CRPPA: variants seen among roughly 807,000 people sequenced by gnomAD.
The protein encoded by CRPPA is CDP-L-ribitol pyrophosphorylase A, also known as D-ribitol-5-phosphate cytidylyltransferase.
A neutral mutation model predicts 52.0 loss-of-function variants in CRPPA; 43 were observed. The ratio of observed to expected loss-of-function variants is 0.83; its 90% CI spans 0.65 to 1.07. The LOEUF (loss-of-function observed/expected upper bound fraction) is 1.07. Ranked by LOEUF, CRPPA falls within the 50% of genes least tolerant of loss-of-function variation. The pLI, the probability that CRPPA is intolerant of heterozygous loss-of-function variation, is 0.00. For missense variants in CRPPA, 629 were observed against 551.7 expected, an observed-to-expected ratio of 1.14 and a Z score of -1.40; for synonymous variants, 250 against 203.5, an observed-to-expected ratio of 1.23 and a Z score of -1.94.
Position 16,387,068 on chromosome 7 carries a change from T to TATATATATATACAC in CRPPA, c.535-10828_535-10827insGTGTATATATATAT, listed in dbSNP as rs1554352500. On this transcript the variant is annotated intron_variant, in intron 2 of 9. Transcript: ENST00000407010. ...AGATATATATATATATATATATATA[T>TATATATATATACAC]ATATATATATATATATATACACACA... is the stretch of plus-strand genomic sequence containing the variant. 2.5e-3 allele frequency among the ~76,000 whole-genome samples: 169 copies of TATATATATATACAC among 68,722 alleles called. 3 individuals are homozygous for TATATATATATACAC. Among genetic ancestry groups the TATATATATATACAC allele is most frequent in the African/African-American group, 0.012 (152 of 13,012 alleles). The allele number at this position is 68,722 out of a possible 152,430, so 45.1% of individuals were successfully genotyped here.
At chr7:16,096,854 G>A (rs566920429) in intron 9 of CRPPA, among the ~76,000 whole-genome samples, 40 of 152,240 alleles carry the variant, frequency 2.6e-4, no homozygotes, top group African/African-American at 9.6e-4. Context: ...ATACTGGGCG[G>A]GAAAATATAA....
rs1388323849 is a variant in CRPPA, at chr7:16,360,461, A to T, written c.684+15631T>A. The stretch of plus-strand genomic sequence containing the variant: ...GGAGGTCTTATACTTCCTCATTTCA[A>T]ATGTTACTATAAAATCACACTAATC... On this transcript the variant is annotated intron_variant, in intron 3 of 9. Transcript: ENST00000407010. Among the ~76,000 whole-genome samples, 7 of 152,312 alleles carry T rather than the reference A, an allele frequency of 4.6e-5. No individual in the cohort carries two copies. In the South Asian group the frequency reaches 1.4e-3, roughly 32 times the overall value.
At chr7:16,311,442 GT>G (rs951802728) in intron 3 of CRPPA, among the ~76,000 whole-genome samples, 1 of 152,008 alleles carries the variant, frequency 6.6e-6, no homozygotes, top group Non-Finnish European at 1.5e-5. Flanking sequence ...ATATTTAGCT[GT>G]TTTACATTGT....
At chr7:16,338,912 T>C (rs971638266) in intron 3 of CRPPA, among the ~76,000 whole-genome samples, 2 of 149,954 alleles carry the variant, frequency 1.3e-5, no homozygotes, top group African/African-American at 4.9e-5. Context: ...GCCTCACAGG[T>C]TCACGCCATT....
At chr7:16,406,899 A>C (rs1787966739) in intron 1 of CRPPA, among the ~76,000 whole-genome samples, 1 of 152,224 alleles carries the variant, frequency 6.6e-6, no homozygotes, top group South Asian at 2.1e-4. Context: ...AATAAGGTTT[A>C]AGTAAAGTGG....
chr7:16,397,227 C>T (rs561365439), intron 2 of CRPPA, among the ~76,000 whole-genome samples: 14 of 152,254 alleles, frequency 9.2e-5, no homozygotes, highest in Admixed American at 2.6e-4. Flanking sequence ...GTATGTGATA[C>T]GAACATAACA....
intron 9 of CRPPA, among the ~76,000 whole-genome samples, chr7:16,192,693 T>A (rs1781639827): frequency 6.6e-6 from 1 of 152,164 alleles, no homozygotes; most frequent in Non-Finnish European, 1.5e-5. Flanking sequence ...GTCTGTAGAT[T>A]TGTTTAACCT....
chr7:16,120,997 A>G (rs1326921132), intron 9 of CRPPA, among the ~76,000 whole-genome samples: 1 of 152,124 alleles, frequency 6.6e-6, no homozygotes, highest in East Asian at 1.9e-4. Context: ...GATCTTAAGA[A>G]AAAAATGTAC....
intron 3 of CRPPA, among the ~76,000 whole-genome samples, chr7:16,365,188 C>T (rs569905904): frequency 6.6e-6 from 1 of 152,290 alleles, no homozygotes; most frequent in South Asian, 2.1e-4. Flanking sequence ...TAGGATCTGG[C>T]TTCTCCCTGT....
At chr7:16,397,368 T>A (rs1305021689) in intron 2 of CRPPA, among the ~76,000 whole-genome samples, 3 of 152,144 alleles carry the variant, frequency 2.0e-5, no homozygotes. Flanking sequence ...CTGACGTGTG[T>A]AACACGTGTG....
intron 9 of CRPPA, among the ~76,000 whole-genome samples, chr7:16,138,993 GT>G (rs1782814584): frequency 6.6e-6 from 1 of 152,080 alleles, no homozygotes; most frequent in Admixed American, 6.5e-5. Context: ...GTAGATACAG[GT>G]TTTCACCATG....
intron 3 of CRPPA, among the ~76,000 whole-genome samples, chr7:16,350,329 C>T (rs1434231117): frequency 6.6e-6 from 1 of 152,078 alleles, no homozygotes; most frequent in Non-Finnish European, 1.5e-5. Context: ...GGTAGAAGTA[C>T]ATTGTCAAAT....
chr7:16,350,297 A>G (rs1044432214), intron 3 of CRPPA, among the ~76,000 whole-genome samples: 2 of 152,148 alleles, frequency 1.3e-5, no homozygotes, highest in African/African-American at 4.8e-5. Context: ...ACATGAAAAC[A>G]TATGACTACA....
intron 3 of CRPPA, among the ~76,000 whole-genome samples, chr7:16,325,328 G>A (rs1179482719): frequency 1.3e-5 from 2 of 152,104 alleles, no homozygotes; most frequent in Non-Finnish European, 2.9e-5. Flanking sequence ...TTAAGCAGTT[G>A]GGAAAATTAA....
chr7:16,118,250 T>C (rs910711326), intron 9 of CRPPA, among the ~76,000 whole-genome samples: 1 of 152,126 alleles, frequency 6.6e-6, no homozygotes, highest in Non-Finnish European at 1.5e-5. Context: ...GTACAGACTG[T>C]GGAAGGTGGT....
At chr7:16,284,155 C>T (rs947107599) in intron 5 of CRPPA, among the ~76,000 whole-genome samples, 2 of 151,990 alleles carry the variant, frequency 1.3e-5, no homozygotes, top group Non-Finnish European at 2.9e-5. Context: ...CTTGAAAAGT[C>T]TTTTCATTTA....
intron 5 of CRPPA, among the ~76,000 whole-genome samples, chr7:16,298,554 G>T (rs1784720321): frequency 2.0e-5 from 3 of 152,160 alleles, no homozygotes; most frequent in Admixed American, 2.0e-4. Context: ...CACAAAGTAA[G>T]TGCCCAATTA....
intron 9 of CRPPA, among the ~76,000 whole-genome samples, chr7:16,146,932 TAA>T (rs1782985556): frequency 6.6e-6 from 1 of 152,292 alleles, no homozygotes; most frequent in East Asian, 1.9e-4. Context: ...ACTTTAAGTG[TAA>T]AGAGATTAAA....
intron 3 of CRPPA, among the ~76,000 whole-genome samples, chr7:16,309,030 A>T (rs1309921276): frequency 6.6e-6 from 1 of 152,166 alleles, no homozygotes. Context: ...TCTAAATCTC[A>T]TATCTTGTAT....
Sources: gnomAD v4.1 joint callset for allele counts (sites outside exome capture counted in the v4.1 genomes callset) on GRCh38, gnomAD v4.1.1 for gene constraint, MANE v1.5 for transcripts, NCBI Gene and HGNC (gene_info 2026-07-23, HGNC 2026-07-21) for gene names.